SPTBN4: variants seen among roughly 807,000 people sequenced by gnomAD.
SPTBN4 encodes the protein spectrin beta, non-erythrocytic 4, also known as spectrin beta chain, non-erythrocytic 4.
In SPTBN4, 96 loss-of-function variants were observed where a neutral mutation model predicts 277.8. That is an observed-to-expected ratio of 0.35 (90% confidence interval 0.29 to 0.41). SPTBN4 has a LOEUF of 0.41. SPTBN4 is among the 10% of genes least tolerant of loss of function. The pLI is 1.00. For missense variants in SPTBN4, 3,006 were observed against 3,595.7 expected (o/e 0.84, Z 4.19); for synonymous variants, 1,481 against 1,580.3 (o/e 0.94, Z 1.49).
intron 7 of SPTBN4, among the ~76,000 whole-genome samples, chr19:40,498,275 G>A (rs1179471514): frequency 6.6e-6 from 1 of 152,042 alleles, no homozygotes; most frequent in East Asian, 1.9e-4. Context: ...GAGCTCTACT[G>A]TGTGCCAGAC....
Position 40,513,552 on chromosome 19 carries a change from C to T in SPTBN4, c.2763C>T (p.His921=). Residue 921 remains histidine (H), a splice_region_variant and synonymous_variant, in exon 14 of 36, where the codon CAC becomes CAT. Coordinates refer to ENST00000598249, the MANE Select transcript of SPTBN4 (RefSeq NM_020971.3). ...DSLDDVEVVQ[H]RFESLDQEMN... ...TCGACGACGTCGAGGTGGTGCAGCA[C>T]CGGTGAGCGCGCACATGTGGGACTC... The T allele has an allele frequency of 6.4e-7, 1 of 1,564,650 alleles. No individual in the cohort carries two copies. Among genetic ancestry groups the T allele is most frequent in the Non-Finnish European group, 8.6e-7 (1 of 1,159,776 alleles).
chr19:40,568,131 C>A lies in SPTBN4; in HGVS notation c.6805C>A (p.Arg2269=). ...GGCTGCGCGGAGGCGGCGGCCGGAG[C>A]GGCAGGAGTCAGCGGAGCACGAGGC... ...EEAARRRRPE[R]QESAEHEAAH... Residue 2269 remains arginine, a synonymous_variant, in exon 31 of 36, where the codon CGG becomes AGG. Transcript: ENST00000598249. The A allele has an allele frequency of 6.3e-7, 1 of 1,575,854 alleles. No homozygotes were observed. The highest frequency in any genetic ancestry group is 8.6e-7 in the Non-Finnish European group (1 of 1,161,342).
intron 6 of SPTBN4, among the ~76,000 whole-genome samples, chr19:40,495,243 A>C (rs1442148798): frequency 7.9e-5 from 12 of 152,184 alleles, no homozygotes; most frequent in Non-Finnish European, 1.5e-4. Context: ...AGATGCATAC[A>C]CACACACAGA....
intron 13 of SPTBN4, among the ~76,000 whole-genome samples, chr19:40,508,542 A>T (rs1309423544): frequency 6.6e-6 from 1 of 152,182 alleles, no homozygotes; most frequent in East Asian, 1.9e-4. Context: ...CAAAAAATTA[A>T]TTTGGTGTGG....
At chr19:40,518,949 T>C (rs1186269394) in intron 15 of SPTBN4, among the ~76,000 whole-genome samples, 7 of 152,158 alleles carry the variant, frequency 4.6e-5, no homozygotes, top group Non-Finnish European at 1.5e-5. Flanking sequence ...CGTGTTAATA[T>C]AACTTTTTTA....
chr19:40,554,249 C>A lies in SPTBN4; in HGVS notation c.4777C>A (p.Arg1593Ser). The A allele has an allele frequency of 6.5e-7, 1 of 1,527,388 alleles. No homozygotes were observed. The highest frequency in any genetic ancestry group is 8.7e-7 in the Non-Finnish European group (1 of 1,144,052). The allele number at this position is 1,527,388 out of a possible 1,614,324, so 94.6% of individuals were successfully genotyped here. The change falls in exon 23 of 36, where the codon CGC becomes AGC. Residue 1593 changes from arginine (R) to serine (S), a missense_variant. By Grantham distance (110) the Arg-to-Ser change is moderately radical. Coordinates refer to ENST00000598249, the MANE Select transcript of SPTBN4 (RefSeq NM_020971.3). This position sits in a 1 kb window ranked among gnomAD's most constrained non-coding sequence, Gnocchi z 5.7. The part of the protein sequence containing the change: ...SLRSPEAEAV[R>S]RGLEQLQSAW... ...GCGCAGCCCGGAGGCAGAGGCAGTGCGCCGGGGCCTGGAGCAGCTGCAGAG... is the reference window on the plus strand; with the variant it reads ...GCGCAGCCCGGAGGCAGAGGCAGTGAGCCGGGGCCTGGAGCAGCTGCAGAG...
chr19:40,522,448 G>C (rs1257800162), intron 16 of SPTBN4, among the ~76,000 whole-genome samples: 3 of 151,150 alleles, frequency 2.0e-5, no homozygotes, highest in Non-Finnish European at 4.4e-5. Context: ...CGCCTTCTGG[G>C]TTCAAGCGAT....
At chr19:40,507,181 G>T (rs908027006) in intron 13 of SPTBN4, among the ~76,000 whole-genome samples, 1 of 151,964 alleles carries the variant, frequency 6.6e-6, no homozygotes, top group East Asian at 1.9e-4. Context: ...TAGGCATGGT[G>T]GTGCACGCCT....
chr19:40,499,525 G>T (rs906167970), intron 7 of SPTBN4, among the ~76,000 whole-genome samples: 1 of 151,686 alleles, frequency 6.6e-6, no homozygotes, highest in Non-Finnish European at 1.5e-5. Flanking sequence ...GAGTAGCTGG[G>T]GCTATAGGCG....
At chr19:40,473,639 G>A (rs1037533707) in intron 2 of SPTBN4, among the ~76,000 whole-genome samples, 1 of 152,102 alleles carries the variant, frequency 6.6e-6, no homozygotes, top group African/African-American at 2.4e-5. Flanking sequence ...TTACAGGCAT[G>A]AGCCACGGCA....
rs766674317 is a variant in SPTBN4, at chr19:40,493,028, C to T, written c.561C>T (p.Leu187=). 42 of 1,614,114 alleles carry T rather than the reference C, an allele frequency of 2.6e-5. No individual in the cohort carries two copies. The highest frequency in any genetic ancestry group is 3.5e-5 in the Non-Finnish European group (41 of 1,179,994). Residue 187 remains leucine, a synonymous_variant, in exon 5 of 36, where the codon CTC becomes CTT. Transcript: ENST00000598249. ...CACGCTCAGCCAAGGATGCTCTGCT[C>T]TTGTGGTGTCAGATGAAGACAGCTG... The part of the protein sequence containing the change: ...RETRSAKDAL[L]LWCQMKTAGY...
At chr19:40,556,927 CAA>C in intron 25 of SPTBN4, 94 bp from the exon 26 acceptor site, 1 of 1,453,870 alleles carries the variant, frequency 6.9e-7, no homozygotes, top group Non-Finnish European at 9.1e-7. Flanking sequence ...GACTCTGTAT[CAA>C]AAAGAAAAAA....
Position 40,513,371 on chromosome 19 carries a change from A to G in SPTBN4, c.2582A>G (p.Gln861Arg), listed in dbSNP as rs1359132635. The change falls in exon 14 of 36, where the codon CAG (glutamine) becomes CGG (arginine). Residue 861 changes from glutamine to arginine, a missense_variant. Gln to Arg is a conservative substitution (Grantham distance 43). Coordinates refer to ENST00000598249, the MANE Select transcript of SPTBN4 (RefSeq NM_020971.3). The part of the protein sequence containing the change: ...ALQVRVVEAE[Q>R]LFAEVTEVAA... ...CAGGTGCGCGTGGTGGAAGCAGAGC[A>G]GTTGTTCGCTGAGGTGACCGAAGTG... 1.9e-6 allele frequency: 3 copies of G among 1,602,244 alleles called. No individual in the cohort carries two copies. Among genetic ancestry groups the G allele is most frequent in the Admixed American group, 3.5e-5 (2 of 57,918 alleles).
rs533683642 is a variant in SPTBN4, at chr19:40,492,356, G to C, written c.496-607G>C. Among the ~76,000 whole-genome samples the C allele has an allele frequency of 1.2e-3, 176 of 152,240 alleles. 1 individual carries two copies. The highest frequency in any genetic ancestry group is 1.7e-3 in the Non-Finnish European group (117 of 68,014). ...AGTTTGAGATGGGTCCAGTGGTTATGGGTCCAGGACATTGGAGTTGGGGAT... is the reference window on the plus strand; with the variant it reads ...AGTTTGAGATGGGTCCAGTGGTTATCGGTCCAGGACATTGGAGTTGGGGAT... On this transcript the variant is annotated intron_variant, in intron 4 of 35. Coordinates refer to ENST00000598249, the MANE Select transcript of SPTBN4 (RefSeq NM_020971.3).
rs370989623 is a variant in SPTBN4, at chr19:40,515,295, C to T, written c.2766-16C>T. ...CCGCAGGGTTCGGGTGTCTGAGCAT[C>T]TCCATCCTCCTGCAGATTCGAGAGC... is the stretch of plus-strand genomic sequence containing the variant. On this transcript the variant is annotated splice_polypyrimidine_tract_variant and intron_variant, in intron 14 of 35. Coordinates refer to ENST00000598249, the MANE Select transcript of SPTBN4 (RefSeq NM_020971.3). The surrounding 1 kb of genome is among the most constrained non-coding windows in gnomAD (Gnocchi z 4.1). 6.2e-7 allele frequency: 1 copy of T among 1,611,688 alleles called. No homozygotes were observed. Among genetic ancestry groups the T allele is most frequent in the Non-Finnish European group, 8.5e-7 (1 of 1,179,122 alleles).
intron 17 of SPTBN4, among the ~76,000 whole-genome samples, chr19:40,524,331 C>A (rs2080564305): frequency 1.3e-5 from 2 of 150,866 alleles, no homozygotes; most frequent in African/African-American, 4.9e-5. Flanking sequence ...ATAGTGAGAC[C>A]CCTTCTCTAA....
intron 2 of SPTBN4, 64 bp from the exon 3 acceptor site, chr19:40,487,633 T>C: frequency 6.4e-7 from 1 of 1,555,614 alleles, no homozygotes; most frequent in Non-Finnish European, 8.7e-7. Flanking sequence ...TGAGCAGGCT[T>C]GGCTCGCGGA....
Position 40,565,767 on chromosome 19 carries a change from C to T in SPTBN4, c.6139+22C>T, listed in dbSNP as rs187096005. ...CAGAGTGAGTGGGGGCCCAGGCACACGTGGTTCAAGGGCACAGGGACATGC... is the reference window on the plus strand; with the variant it reads ...CAGAGTGAGTGGGGGCCCAGGCACATGTGGTTCAAGGGCACAGGGACATGC... On this transcript the variant is annotated intron_variant, in intron 29 of 35. Coordinates refer to ENST00000598249, the MANE Select transcript of SPTBN4 (RefSeq NM_020971.3). The T allele has an allele frequency of 1.7e-3, 2,666 of 1,549,230 alleles. 7 individuals carry two copies. Among genetic ancestry groups the T allele is most frequent in the South Asian group, 5.8e-3 (486 of 83,972 alleles).
chr19:40,490,059 G>A lies in SPTBN4; in HGVS notation c.322-16G>A, dbSNP rs1405948977. ...CTGTCCAGACCCCCGATCGCCCACCGCCCCTGTCGCCCTAGCCCAGGCCCA... is the reference window on the plus strand; with the variant it reads ...CTGTCCAGACCCCCGATCGCCCACCACCCCTGTCGCCCTAGCCCAGGCCCA... On this transcript the variant is annotated splice_polypyrimidine_tract_variant and intron_variant, in intron 3 of 35. Coordinates refer to ENST00000598249, the MANE Select transcript of SPTBN4 (RefSeq NM_020971.3). The surrounding 1 kb of genome is among the most constrained non-coding windows in gnomAD (Gnocchi z 4.3). 1 of 1,590,252 alleles carries A rather than the reference G, an allele frequency of 6.3e-7. No homozygotes were observed. The highest frequency in any genetic ancestry group is 8.6e-7 in the Non-Finnish European group (1 of 1,166,208).
Sources: allele counts gnomAD v4.1 joint callset (sites outside exome capture counted in the v4.1 genomes callset), GRCh38; gene constraint gnomAD v4.1.1; non-coding constraint Gnocchi (gnomAD v3.1); transcripts MANE v1.5; gene names NCBI Gene and HGNC (gene_info 2026-07-23, HGNC 2026-07-21).